Variants in C2CD3 observed in about 807,000 individuals in gnomAD.
C2CD3 encodes C2 domain containing 3 centriole elongation regulator, also known as C2 domain-containing protein 3.
A neutral mutation model predicts 234.0 loss-of-function variants in C2CD3; 148 were observed. That is an observed-to-expected ratio of 0.63 (90% confidence interval 0.55 to 0.72). The LOEUF is 0.72. C2CD3 is among the 30% of genes least tolerant of loss of function. The pLI, the probability that C2CD3 is intolerant of heterozygous loss-of-function variation, is 0.00. For missense variants in C2CD3, 2,577 were observed against 2,811.5 expected, an observed-to-expected ratio of 0.92 and a Z score of 1.89; for synonymous variants, 1,000 against 1,035.4, an observed-to-expected ratio of 0.97 and a Z score of 0.66.
intron 28 of C2CD3, among the ~76,000 whole-genome samples, chr11:74,046,462 A>G (rs896236312): frequency 6.6e-6 from 1 of 152,030 alleles, no homozygotes; most frequent in Non-Finnish European, 1.5e-5. Flanking sequence ...TCCTGCCTCA[A>G]CCTCCTGAGT....
In C2CD3 at chr11:74,066,549, C is replaced by G. The variant is rs377113524; in HGVS notation, c.4951+7704G>C. ...GGTGCAATCACTGAACTTTATAACC[C>G]CAGTTAGAGCTTCCAACTTAAAATT... On this transcript the variant is annotated intron_variant, in intron 24 of 32. Coordinates refer to ENST00000334126, the MANE Select transcript of C2CD3 (RefSeq NM_001286577.2). Among the ~76,000 whole-genome samples the G allele has an allele frequency of 3.9e-5, 6 of 152,066 alleles. No homozygotes were observed. In the East Asian group the frequency reaches 1.2e-3, roughly 29 times the overall value.
At chr11:74,133,937 A>C (rs1339487983) in intron 5 of C2CD3, among the ~76,000 whole-genome samples, 1 of 152,152 alleles carries the variant, frequency 6.6e-6, no homozygotes, top group Non-Finnish European at 1.5e-5. Context: ...GATGAAGAAA[A>C]GAGTGCTAAA....
At chr11:74,036,108 C>A in intron 30 of C2CD3, 1 of 214,780 alleles carries the variant, frequency 4.7e-6, no homozygotes. Flanking sequence ...GATCCACTCA[C>A]CCTGGCCTCC....
At chr11:74,107,390 T>C (rs949557087) in intron 12 of C2CD3, among the ~76,000 whole-genome samples, 2 of 151,632 alleles carry the variant, frequency 1.3e-5, no homozygotes, top group Non-Finnish European at 2.9e-5. Context: ...TATACACAAA[T>C]ATGTATATGT....
At chr11:74,045,394 T>C (rs1953311399) in intron 28 of C2CD3, among the ~76,000 whole-genome samples, 1 of 152,218 alleles carries the variant, frequency 6.6e-6, no homozygotes, top group South Asian at 2.1e-4. Context: ...TGAATTTCCA[T>C]ACTAATTTTA....
intron 10 of C2CD3, 113 bp from the exon 11 acceptor site, chr11:74,114,005 G>A (rs756514703): frequency 1.1e-5 from 7 of 643,152 alleles, no homozygotes; most frequent in Non-Finnish European, 1.8e-5. Flanking sequence ...GTACTCAGAG[G>A]CCCTACCTCT....
chr11:74,128,758 T>C (rs530687091), intron 7 of C2CD3: 69 of 158,654 alleles, frequency 4.3e-4, no homozygotes, highest in African/African-American at 1.4e-3. Flanking sequence ...TTAACGAGCA[T>C]GCTGCCTTCA....
intron 26 of C2CD3, 88 bp from the exon 27 acceptor site, chr11:74,049,630 G>C (rs762776216): frequency 1.5e-4 from 153 of 1,007,682 alleles, no homozygotes; most frequent in Admixed American, 9.6e-4. Context: ...GCTGATTCAG[G>C]GGATGGAGGA....
At chr11:74,030,238 AT>A (rs1351467484) in intron 31 of C2CD3, among the ~76,000 whole-genome samples, 1 of 152,164 alleles carries the variant, frequency 6.6e-6, no homozygotes, top group African/African-American at 2.4e-5. Context: ...CCATTTTTAA[AT>A]GTATTAGTAC....
At chr11:74,100,744 C>A in intron 14 of C2CD3, 68 bp from the exon 15 acceptor site, 1 of 1,334,410 alleles carries the variant, frequency 7.5e-7, no homozygotes, top group Non-Finnish European at 1.0e-6. Context: ...TTTATACTTT[C>A]ATTCAATAAG....
intron 23 of C2CD3, among the ~76,000 whole-genome samples, chr11:74,075,857 G>T (rs1452255630): frequency 6.6e-6 from 1 of 152,216 alleles, no homozygotes. Context: ...ATGGCTTGAC[G>T]CATTCAACAA....
At chr11:74,047,690 T>C (rs1053048825) in intron 28 of C2CD3, among the ~76,000 whole-genome samples, 1 of 152,302 alleles carries the variant, frequency 6.6e-6, no homozygotes, top group African/African-American at 2.4e-5. Context: ...AAGACTCTGG[T>C]GTAGGCAGCG....
At chr11:74,088,666 C>T (rs75250973) in intron 20 of C2CD3, among the ~76,000 whole-genome samples, 93 of 152,290 alleles carry the variant, frequency 6.1e-4, no homozygotes, top group African/African-American at 2.2e-3. Context: ...CCTTCTCTGC[C>T]AATTAAATGC....
chr11:74,170,743 T>C lies in C2CD3; in HGVS notation c.50A>G (p.Lys17Arg), dbSNP rs765236820. Reference sequence around the variant, plus strand: ...TCTTTGATCGCTCAGGTTACCTCTTTTTTTGCGCCCACGGCTGCCCCCAGA... The same window carrying C: ...TCTTTGATCGCTCAGGTTACCTCTTCTTTTGCGCCCACGGCTGCCCCCAGA... ...QGSGGSRGRKKRGLSDISPST... is the reference protein window; with the variant it reads ...QGSGGSRGRKRRGLSDISPST... Residue 17 changes from lysine (K) to arginine (R), a missense_variant, in exon 1 of 33, where the codon AAA becomes AGA. By Grantham distance (26) the Lys-to-Arg change is conservative. Coordinates refer to ENST00000334126, the MANE Select transcript of C2CD3 (RefSeq NM_001286577.2). 3 of 1,614,218 alleles carry C rather than the reference T, an allele frequency of 1.9e-6. No individual in the cohort carries two copies. The highest frequency in any genetic ancestry group is 2.7e-5 in the African/African-American group (2 of 75,066).
chr11:74,037,446 A>C (rs752831408), intron 30 of C2CD3, 32 bp downstream of exon 30: 1 of 1,541,412 alleles, frequency 6.5e-7, no homozygotes, highest in East Asian at 2.2e-5. Flanking sequence ...TAGTGACCAT[A>C]ACATCTCAAC....
intron 7 of C2CD3, among the ~76,000 whole-genome samples, chr11:74,123,537 T>A (rs1463069378): frequency 6.6e-6 from 1 of 152,226 alleles, no homozygotes. Flanking sequence ...TTGCAAAAAA[T>A]TCACAGATAC....
intron 24 of C2CD3, among the ~76,000 whole-genome samples, chr11:74,059,653 G>A (rs937863077): frequency 3.3e-5 from 5 of 152,144 alleles, no homozygotes; most frequent in African/African-American, 4.8e-5. Flanking sequence ...TTAACAAGTA[G>A]TCTTGAAAGA....
At chr11:74,091,053 G>T in intron 19 of C2CD3, 117 bp from the exon 20 acceptor site, 2 of 951,686 alleles carry the variant, frequency 2.1e-6, no homozygotes, top group Non-Finnish European at 3.1e-6. Flanking sequence ...AACAATAAGG[G>T]CAATGAGAGA....
intron 32 of C2CD3, among the ~76,000 whole-genome samples, chr11:74,018,346 T>G (rs1432359967): frequency 6.6e-6 from 1 of 152,148 alleles, no homozygotes; most frequent in Non-Finnish European, 1.5e-5. Flanking sequence ...CAGGATCTCC[T>G]GTACTGAGGT....
Sources: gnomAD v4.1 joint callset for allele counts (sites outside exome capture counted in the v4.1 genomes callset) on GRCh38, gnomAD v4.1.1 for gene constraint, MANE v1.5 for transcripts, NCBI Gene and HGNC (gene_info 2026-07-23, HGNC 2026-07-21) for gene names.